Variants in HELZ observed in about 807,000 individuals in gnomAD.
The protein encoded by HELZ is helicase with zinc finger.
Under a neutral mutation model 218.2 loss-of-function variants are expected in HELZ, and 23 were observed. That is an observed-to-expected ratio of 0.11 (90% CI 0.08 to 0.15). HELZ has a LOEUF of 0.15. HELZ is among the 10% of genes least tolerant of loss of function. The pLI is 1.00. For synonymous variants in HELZ, 814 were observed against 829.4 expected, an observed-to-expected ratio of 0.98 and a Z score of 0.32; for missense variants, 1,813 against 2,353.7, an observed-to-expected ratio of 0.77 and a Z score of 4.75.
intron 3 of HELZ, among the ~76,000 whole-genome samples, chr17:67,233,445 G>A (rs2041091630): frequency 6.6e-6 from 1 of 152,174 alleles, no homozygotes; most frequent in Non-Finnish European, 1.5e-5. Context: ...GAGCACTGCT[G>A]CCTGGGTGAG....
intron 9 of HELZ, among the ~76,000 whole-genome samples, chr17:67,191,472 G>A (rs147274375): frequency 0.011 from 1,648 of 151,398 alleles, 20 homozygotes; most frequent in South Asian, 0.018. Flanking sequence ...TTTTTTTTTG[G>A]AGATAGTCTC....
chr17:67,120,370 G>A (rs749447077), intron 27 of HELZ, 35 bp downstream of exon 27: 1 of 1,546,530 alleles, frequency 6.5e-7, no homozygotes, highest in Admixed American at 1.7e-5. Flanking sequence ...CCTGTCATCA[G>A]TTTATGAACA....
At chr17:67,213,557 G>A (rs995606117) in intron 5 of HELZ, among the ~76,000 whole-genome samples, 7 of 152,040 alleles carry the variant, frequency 4.6e-5, no homozygotes, top group African/African-American at 1.7e-4. Context: ...GGGAGACGGA[G>A]GTCACAGTGA....
Position 67,221,845 on chromosome 17 carries a change from T to G in HELZ, c.-18-3023A>C, listed in dbSNP as rs562249368. Among the ~76,000 whole-genome samples the G allele has an allele frequency of 4.5e-3, 673 of 150,268 alleles. 5 individuals are homozygous for G. Among genetic ancestry groups the G allele is most frequent in the African/African-American group, 0.016 (649 of 41,198 alleles). On this transcript the variant is annotated intron_variant, in intron 3 of 32. Coordinates refer to ENST00000358691, the MANE Select transcript of HELZ (RefSeq NM_014877.4). ...TGTTGTTGTTGCTGTTTTTTGTGTT[T>G]TTTTTTTTTTTTTTAAGAGACAGAG...
chr17:67,086,631 A>AATATATAAATAT, intron 32 of HELZ, among the ~76,000 whole-genome samples, 198 bp downstream of exon 32: 1 of 93,300 alleles, frequency 1.1e-5, no homozygotes, highest in East Asian at 2.4e-4. Context: ...TATAAATATA[A>AATATATAAATAT]ATATATATAT....
In HELZ at chr17:67,086,929, A is replaced by G; in HGVS notation, c.5394T>C (p.Phe1798=). 6.2e-7 allele frequency: 1 copy of G among 1,613,742 alleles called. No homozygotes were observed. The highest frequency in any genetic ancestry group is 8.5e-7 in the Non-Finnish European group (1 of 1,179,990). Residue 1798 remains phenylalanine (F), a synonymous_variant, in exon 32 of 33, where the codon TTT becomes TTC. Coordinates refer to ENST00000358691, the MANE Select transcript of HELZ (RefSeq NM_014877.4). ...QDHSNQSSFN[F]SSPESWVNTT... is the part of the protein sequence containing the mutation. The stretch of plus-strand genomic sequence containing the variant: ...TGTTTACCCAGGACTCCGGGGATGA[A>G]AAGTTGAAAGAAGATTGGTTACTGT...
chr17:67,178,961 CAG>C, intron 12 of HELZ, 35 bp from the exon 13 acceptor site: 1 of 1,436,114 alleles, frequency 7.0e-7, no homozygotes, highest in Non-Finnish European at 9.5e-7. Flanking sequence ...TATAAAGAAA[CAG>C]AACATTAAAA....
chr17:67,224,836 A>G, intron 3 of HELZ: 1 of 1,012,166 alleles, frequency 9.9e-7, no homozygotes. Context: ...TGCCCAGGGA[A>G]AGCAGCGTTA....
chr17:67,164,239 T>G (rs540825993), intron 15 of HELZ, among the ~76,000 whole-genome samples: 1 of 152,278 alleles, frequency 6.6e-6, no homozygotes, highest in South Asian at 2.1e-4. Flanking sequence ...TGAGAGAAAT[T>G]ATGCTTGAAA....
At chr17:67,140,692 T>C (rs1240799826) in intron 21 of HELZ, among the ~76,000 whole-genome samples, 1 of 152,182 alleles carries the variant, frequency 6.6e-6, no homozygotes, top group African/African-American at 2.4e-5. Context: ...TAAAAATTTG[T>C]CATATTTGAT....
At chr17:67,235,854 G>A (rs1247827318) in intron 3 of HELZ, among the ~76,000 whole-genome samples, 8 of 138,090 alleles carry the variant, frequency 5.8e-5, no homozygotes, top group Non-Finnish European at 1.1e-4. Flanking sequence ...TCCACCTCCC[G>A]GGTTCACACC....
chr17:67,245,049 G>A (rs567342137), intron 1 of HELZ, 99 bp downstream of exon 1: 2 of 984,668 alleles, frequency 2.0e-6, no homozygotes, highest in African/African-American at 3.5e-5. Flanking sequence ...CCGCGCCCGG[G>A]GTCCGGGACA....
At chr17:67,178,588 T>C in intron 13 of HELZ, 71 bp downstream of exon 13, 3 of 1,299,184 alleles carry the variant, frequency 2.3e-6, no homozygotes, top group Non-Finnish European at 3.2e-6. Flanking sequence ...AGGCACACTT[T>C]CATTTTAAAG....
Position 67,167,535 on chromosome 17 carries a change from C to G in HELZ, c.1692G>C (p.Lys564Asn). The G allele has an allele frequency of 6.2e-7, 1 of 1,613,712 alleles. No homozygotes were observed. The highest frequency in any genetic ancestry group is 8.5e-7 in the Non-Finnish European group (1 of 1,179,644). ...VYEATIEEKTKEYIFLRLSRE... is the reference protein window; with the variant it reads ...VYEATIEEKTNEYIFLRLSRE... Reference sequence around the variant, plus strand: ...TAGATAGCCTTAAAAATATATATTCCTTTGTTTTTTCTTCAATAGTAGCTT... The same window carrying G: ...TAGATAGCCTTAAAAATATATATTCGTTTGTTTTTTCTTCAATAGTAGCTT... The change falls in exon 14 of 33, where the codon AAG becomes AAC. Residue 564 changes from lysine to asparagine, a missense_variant. Lys to Asn is a moderately conservative substitution (Grantham distance 94, BLOSUM62 0). Around this residue, in one of 4 missense-constraint regions of HELZ, gnomAD observed 714 missense variants for 1,029.2 expected, o/e 0.69. Transcript: ENST00000358691.
In HELZ at chr17:67,197,297, T is replaced by C. The variant is rs1333982570; in HGVS notation, c.430-1827A>G. 3.3e-5 allele frequency among the ~76,000 whole-genome samples: 5 copies of C among 152,104 alleles called. No individual in the cohort carries two copies. In the East Asian group the frequency reaches 5.8e-4, roughly 18 times the overall value. On this transcript the variant is annotated intron_variant, in intron 7 of 32. Coordinates refer to ENST00000358691, the MANE Select transcript of HELZ (RefSeq NM_014877.4). ...AGATGTACCTTTCACCTTCTGCTGA[T>C]TGTGAGCCCTCCCCAGCCACATGGA... is the stretch of plus-strand genomic sequence containing the variant.
upstream of HELZ, chr17:67,245,639 G>A (rs1160773356): frequency 4.1e-6 from 2 of 486,808 alleles, no homozygotes; most frequent in Non-Finnish European, 5.3e-6. Context: ...GGCCGGGGTC[G>A]CCTTCAGAGG....
At chr17:67,089,668 T>TATATAG (rs71293575) in intron 31 of HELZ, among the ~76,000 whole-genome samples, 12 of 70,632 alleles carry the variant, frequency 1.7e-4, no homozygotes, top group African/African-American at 3.6e-4. Context: ...TATATATATA[T>TATATAG]AGAGAGAGAG....
chr17:67,142,976 G>C (rs1260096894), intron 21 of HELZ, among the ~76,000 whole-genome samples: 1 of 151,950 alleles, frequency 6.6e-6, no homozygotes, highest in African/African-American at 2.4e-5. Flanking sequence ...GCCCAGGCTG[G>C]TCTCGAAGTC....
chr17:67,099,306 G>A (rs1567798319), intron 31 of HELZ, among the ~76,000 whole-genome samples: 1 of 152,074 alleles, frequency 6.6e-6, no homozygotes, highest in Non-Finnish European at 1.5e-5. Flanking sequence ...TGATGCTCAG[G>A]TTTAATTTTA....
Sources: allele counts gnomAD v4.1 joint callset (sites outside exome capture counted in the v4.1 genomes callset), GRCh38; gene constraint gnomAD v4.1.1; regional missense constraint gnomAD v4.1.1; transcripts MANE v1.5; gene names NCBI Gene and HGNC (gene_info 2026-07-23, HGNC 2026-07-21).